The following NRG3 variants were observed in gnomAD, a reference collection of about 807,000 sequenced individuals.
The protein encoded by NRG3 is pro-neuregulin-3, membrane-bound isoform.
Under a neutral mutation model 66.9 loss-of-function variants are expected in NRG3, and 31 were observed. The ratio of observed to expected loss-of-function variants is 0.46; its 90% CI spans 0.35 to 0.63. The LOEUF (loss-of-function observed/expected upper bound fraction) is 0.63, where lower values mean the gene tolerates loss of function less well. Ranked by LOEUF, NRG3 falls within the 20% of genes least tolerant of loss-of-function variation. The probability of loss-of-function intolerance (pLI) is 0.00; values close to 1 mark genes in which losing one functional copy is unlikely to be tolerated. For synonymous variants in NRG3, 393 were observed against 359.4 expected (o/e 1.09, Z -1.06); for missense variants, 910 against 878.9 (o/e 1.04, Z -0.45).
chr10:82,231,187 A>G (rs1046299990), intron 1 of NRG3, among the ~76,000 whole-genome samples: 1 of 152,066 alleles, frequency 6.6e-6, no homozygotes, highest in Admixed American at 6.6e-5. Flanking sequence ...TACTAAAAAT[A>G]CAAAAATTAG....
At chr10:82,064,879 A>G (rs994279432) in intron 1 of NRG3, among the ~76,000 whole-genome samples, 1 of 152,016 alleles carries the variant, frequency 6.6e-6, no homozygotes, top group Admixed American at 6.5e-5. Context: ...CAAAACTCCA[A>G]CCAAAGTCCT....
rs1356197204 is a variant in NRG3 at position 82,366,159 on chromosome 10, A to G, written c.953+7291A>G. Among the ~76,000 whole-genome samples, 3 of 152,284 alleles carry G rather than the reference A, an allele frequency of 2.0e-5. No individual in the cohort carries two copies. In the South Asian group the frequency reaches 6.2e-4, roughly 32 times the overall value. Reference sequence around the variant, plus strand: ...ACCTTCAATATTTAATTTTTTTAAGATAGTCTAATAGTTGCCCCAAAAGGC... The same window carrying G: ...ACCTTCAATATTTAATTTTTTTAAGGTAGTCTAATAGTTGCCCCAAAAGGC... On this transcript the variant is annotated intron_variant, in intron 2 of 8. Coordinates refer to ENST00000372141, the MANE Select transcript of NRG3 (RefSeq NM_001010848.4).
intron 2 of NRG3, among the ~76,000 whole-genome samples, chr10:82,675,964 A>G (rs1355492908): frequency 6.6e-6 from 1 of 152,218 alleles, no homozygotes; most frequent in Non-Finnish European, 1.5e-5. Flanking sequence ...CAAATATAAA[A>G]ATATTCACAC....
At chr10:82,335,378 T>C (rs1017655149) in intron 1 of NRG3, among the ~76,000 whole-genome samples, 4 of 152,200 alleles carry the variant, frequency 2.6e-5, no homozygotes, top group African/African-American at 9.7e-5. Flanking sequence ...AACCCTTTCC[T>C]ACTAAACGAG....
chr10:82,982,167 G>A (rs1046507917), intron 8 of NRG3, among the ~76,000 whole-genome samples: 5 of 152,182 alleles, frequency 3.3e-5, no homozygotes, highest in Non-Finnish European at 7.3e-5. Context: ...AGAGGGAAGC[G>A]TGGATGCCTT....
chr10:81,994,420 T>C (rs1268315109), intron 1 of NRG3, among the ~76,000 whole-genome samples: 6 of 152,132 alleles, frequency 3.9e-5, no homozygotes, highest in African/African-American at 1.4e-4. Context: ...AAAAAAATCA[T>C]TGAGCATTTA....
At chr10:81,876,275 G>A in intron 1 of NRG3, 112 bp downstream of exon 1, 1 of 1,408,104 alleles carries the variant, frequency 7.1e-7, no homozygotes, top group Non-Finnish European at 9.5e-7. Flanking sequence ...CCCCATCCCA[G>A]GTTTGGGGCA....
At chr10:82,894,650 A>G (rs1843475204) in intron 4 of NRG3, among the ~76,000 whole-genome samples, 1 of 152,156 alleles carries the variant, frequency 6.6e-6, no homozygotes, top group Non-Finnish European at 1.5e-5. Context: ...CAATTCATCT[A>G]TTACCTTCAC....
intron 3 of NRG3, among the ~76,000 whole-genome samples, chr10:82,803,959 T>C (rs2061167036): frequency 6.6e-6 from 1 of 152,182 alleles, no homozygotes; most frequent in Admixed American, 6.6e-5. Flanking sequence ...TTGTGTACTG[T>C]TCTGAATACT....
rs561064725 is a variant in NRG3, at chr10:82,349,704, A to C, written c.824-9035A>C. On this transcript the variant is annotated intron_variant, in intron 1 of 8. Coordinates refer to ENST00000372141, the MANE Select transcript of NRG3 (RefSeq NM_001010848.4). ...CAGTTTGATCTCAGACTGCTGTGCT[A>C]GCAATCAGGGAGACTCCGTGGGCGT... Among the ~76,000 whole-genome samples, 83 of 152,132 alleles carry C rather than the reference A, an allele frequency of 5.5e-4. 1 individual carries two copies. In the South Asian group the frequency reaches 9.0e-3, roughly 16 times the overall value.
chr10:82,854,429 T>C (rs537453516), intron 3 of NRG3, among the ~76,000 whole-genome samples: 1 of 152,276 alleles, frequency 6.6e-6, no homozygotes, highest in Non-Finnish European at 1.5e-5. Flanking sequence ...GCTTGGAGTT[T>C]TGGGGAAAAG....
At chr10:82,949,345 G>A (rs552669535) in intron 4 of NRG3, among the ~76,000 whole-genome samples, 219 of 151,836 alleles carry the variant, frequency 1.4e-3, no homozygotes, top group African/African-American at 4.4e-3. Context: ...TTTTTGGTTA[G>A]GTCTTCGTCT....
intron 2 of NRG3, among the ~76,000 whole-genome samples, chr10:82,682,800 C>T (rs1164383255): frequency 6.6e-6 from 1 of 152,068 alleles, no homozygotes; most frequent in African/African-American, 2.4e-5. Flanking sequence ...ATAATCTATA[C>T]ATGTAATCTA....
chr10:81,980,834 T>C (rs1253271924), intron 1 of NRG3, among the ~76,000 whole-genome samples: 5 of 152,250 alleles, frequency 3.3e-5, no homozygotes, highest in Non-Finnish European at 7.3e-5. Context: ...TGCTGTGTCC[T>C]CACATGATCT....
At chr10:82,054,952 A>G (rs2133173021) in intron 1 of NRG3, among the ~76,000 whole-genome samples, 1 of 152,118 alleles carries the variant, frequency 6.6e-6, no homozygotes, top group East Asian at 1.9e-4. Context: ...GTTCAAGGTT[A>G]CAGTGAGCTA....
intron 3 of NRG3, among the ~76,000 whole-genome samples, chr10:82,770,931 TA>T (rs1448648338): frequency 2.6e-5 from 4 of 152,276 alleles, no homozygotes; most frequent in African/African-American, 9.6e-5. Context: ...AGCTGCATCC[TA>T]AAGGTATCAA....
intron 2 of NRG3, among the ~76,000 whole-genome samples, chr10:82,642,461 AC>A (rs1386997016): frequency 6.6e-6 from 1 of 152,074 alleles, no homozygotes; most frequent in Non-Finnish European, 1.5e-5. Context: ...CCACTCATGA[AC>A]TAGTATTGTT....
intron 1 of NRG3, among the ~76,000 whole-genome samples, chr10:82,271,380 A>T (rs1417883303): frequency 6.6e-6 from 1 of 152,072 alleles, no homozygotes; most frequent in African/African-American, 2.4e-5. Flanking sequence ...TCATGATGCT[A>T]CCTATCAGGG....
chr10:82,076,697 C>G (rs2065111424), intron 1 of NRG3, among the ~76,000 whole-genome samples: 1 of 152,136 alleles, frequency 6.6e-6, no homozygotes, highest in Admixed American at 6.5e-5. Flanking sequence ...CTTGCTCCCT[C>G]TGTTCCCATG....
Sources: gnomAD v4.1 joint callset for allele counts (sites outside exome capture counted in the v4.1 genomes callset) on GRCh38, gnomAD v4.1.1 for gene constraint, MANE v1.5 for transcripts, NCBI Gene and HGNC (gene_info 2026-07-23, HGNC 2026-07-21) for gene names.